The following UTRN variants were observed in gnomAD, a reference collection of about 807,000 sequenced individuals.
UTRN encodes dystrophin-related protein 1.
UTRN carries 283 observed loss-of-function variants against 463.9 expected under a neutral mutation model. That is an observed-to-expected ratio of 0.61 (90% CI 0.55 to 0.67). The LOEUF is 0.67. UTRN is among the 30% of genes least tolerant of loss of function. The probability of loss-of-function intolerance (pLI) is 0.00; values close to 1 mark genes in which losing one functional copy is unlikely to be tolerated. For missense variants in UTRN, 3,922 were observed against 4,084.3 expected, an observed-to-expected ratio of 0.96 and a Z score of 1.08; for synonymous variants, 1,442 against 1,431.5, an observed-to-expected ratio of 1.01 and a Z score of -0.17.
At chr6:144,828,243 G>T (rs1477540076) in intron 68 of UTRN, among the ~76,000 whole-genome samples, 1 of 152,164 alleles carries the variant, frequency 6.6e-6, no homozygotes, top group Non-Finnish European at 1.5e-5. Context: ...ATTTCTAGGG[G>T]AAAGTCTTGG....
chr6:144,353,164 G>C (rs1009283259), intron 2 of UTRN, among the ~76,000 whole-genome samples: 2 of 152,032 alleles, frequency 1.3e-5, no homozygotes, highest in Non-Finnish European at 2.9e-5. Flanking sequence ...GCCCAGGCTG[G>C]AGTGCAGTGG....
chr6:144,814,061 A>G (rs115003631), intron 65 of UTRN, among the ~76,000 whole-genome samples: 1,612 of 152,312 alleles, frequency 0.011, 25 homozygotes, highest in East Asian at 0.057. Flanking sequence ...GAAGTCTCAA[A>G]CTCAAGTACT....
chr6:144,707,330 AT>A (rs1204871932), intron 53 of UTRN, among the ~76,000 whole-genome samples: 4 of 152,146 alleles, frequency 2.6e-5, no homozygotes, highest in African/African-American at 9.7e-5. Flanking sequence ...AAAAAACCTA[AT>A]GGGTAACAAT....
chr6:144,586,300 C>T (rs1016843034), intron 51 of UTRN, among the ~76,000 whole-genome samples: 2 of 151,908 alleles, frequency 1.3e-5, no homozygotes, highest in African/African-American at 4.8e-5. Context: ...GTATTTTTTG[C>T]CTTTAAAAAT....
At chr6:144,577,027 T>G in intron 50 of UTRN, 72 bp from the exon 51 acceptor site, 1 of 1,472,180 alleles carries the variant, frequency 6.8e-7, no homozygotes, top group Non-Finnish European at 9.2e-7. Context: ...GTTTTTTATT[T>G]AGGGGATGCG....
At chr6:144,320,464 G>A (rs907037187) in intron 2 of UTRN, among the ~76,000 whole-genome samples, 1 of 152,098 alleles carries the variant, frequency 6.6e-6, no homozygotes, top group African/African-American at 2.4e-5. Context: ...TCTGGCCACT[G>A]GAATTTTGCC....
At chr6:144,819,744 G>A (rs1470782041) in intron 65 of UTRN, among the ~76,000 whole-genome samples, 2 of 152,128 alleles carry the variant, frequency 1.3e-5, no homozygotes, top group Non-Finnish European at 2.9e-5. Context: ...TGAGTCCTGG[G>A]CATGCATGTT....
intron 2 of UTRN, among the ~76,000 whole-genome samples, chr6:144,365,129 C>T (rs566025957): frequency 6.6e-6 from 1 of 152,180 alleles, no homozygotes; most frequent in African/African-American, 2.4e-5. Context: ...CATTGCGTAG[C>T]TCTTGATTTT....
At position 144,516,853 on chromosome 6, in the gene UTRN, G is replaced by A; in HGVS notation, c.5446G>A (p.Gly1816Arg). 1 of 1,515,338 alleles carries A rather than the reference G, an allele frequency of 6.6e-7. No individual in the cohort carries two copies. Among genetic ancestry groups the A allele is most frequent in the Non-Finnish European group, 8.8e-7 (1 of 1,134,740 alleles). 93.9% of individuals were successfully genotyped at this position (1,515,338 alleles called of 1,614,324 possible). A position where few individuals can be genotyped will look rare whatever the true frequency, so the allele number is the denominator to read the frequency against. ...SAQIEEVLQR[G>R]EEMLHQPMED... is the part of the protein sequence containing the mutation. ...CCAGATTGAGGAAGTTCTACAAAGA[G>A]GAGAAGAAATGTTACATCAACCTAT... Residue 1816 changes from glycine (G) to arginine (R), a missense_variant, in exon 39 of 75, where the codon GGA (glycine) becomes AGA (arginine). Physicochemically the swap from Gly to Arg is moderately radical, Grantham distance 125 (BLOSUM62 -2). Coordinates refer to ENST00000367545, the MANE Select transcript of UTRN (RefSeq NM_007124.3).
chr6:144,494,342 A>T (rs1793373978), intron 33 of UTRN, among the ~76,000 whole-genome samples: 1 of 151,710 alleles, frequency 6.6e-6, no homozygotes, highest in African/African-American at 2.4e-5. Flanking sequence ...CTCTTAAGGC[A>T]GCGCATCTGG....
At chr6:144,734,021 G>T (rs1789075230) in intron 54 of UTRN, among the ~76,000 whole-genome samples, 1 of 152,044 alleles carries the variant, frequency 6.6e-6, no homozygotes, top group African/African-American at 2.4e-5. Flanking sequence ...TAAATAAGAG[G>T]TATAAAGAAA....
At chr6:144,540,816 A>G (rs1797918213) in intron 45 of UTRN, among the ~76,000 whole-genome samples, 1 of 152,218 alleles carries the variant, frequency 6.6e-6, no homozygotes, top group African/African-American at 2.4e-5. Flanking sequence ...ATACGTATCT[A>G]CTGGATGGAT....
chr6:144,715,414 G>A (rs1562806668), intron 53 of UTRN, among the ~76,000 whole-genome samples: 1 of 152,222 alleles, frequency 6.6e-6, no homozygotes, highest in Non-Finnish European at 1.5e-5. Flanking sequence ...AAACTCTGTA[G>A]GGGCTTCCTA....
chr6:144,447,256 AAAG>A lies in UTRN; in HGVS notation c.1661_1663del (p.Lys554_Val555delinsIle), dbSNP rs1787787313. The A allele has an allele frequency of 6.2e-7, 1 of 1,614,060 alleles. No homozygotes were observed. The highest frequency in any genetic ancestry group is 1.3e-5 in the African/African-American group (1 of 75,066). ...AACCGAAAAAGAAGAGGCTTTAAATAAAGTCCAGACAAGCAACTTCAAAGACCA... is the reference window on the plus strand; with the variant it reads ...AACCGAAAAAGAAGAGGCTTTAAATATCCAGACAAGCAACTTCAAAGACCA... On this transcript the variant is annotated inframe_deletion, in exon 15 of 75. Transcript: ENST00000367545.
chr6:144,691,235 G>T (rs1262206936), intron 52 of UTRN, among the ~76,000 whole-genome samples: 2 of 152,096 alleles, frequency 1.3e-5, no homozygotes, highest in African/African-American at 2.4e-5. Context: ...TCATGCCTCA[G>T]CCTCCCATGT....
At chr6:144,773,157 AT>A (rs1794272121) in intron 59 of UTRN, among the ~76,000 whole-genome samples, 1 of 152,164 alleles carries the variant, frequency 6.6e-6, no homozygotes, top group Admixed American at 6.5e-5. Context: ...TACAATATCT[AT>A]TGTTTCCAAA....
intron 65 of UTRN, 61 bp from the exon 66 acceptor site, chr6:144,820,821 T>G: frequency 6.4e-7 from 1 of 1,556,560 alleles, no homozygotes; most frequent in Admixed American, 1.9e-5. Context: ...TCTGATTTTG[T>G]TATAGATAGT....
At chr6:144,684,015 T>G (rs900976361) in intron 52 of UTRN, among the ~76,000 whole-genome samples, 1 of 152,154 alleles carries the variant, frequency 6.6e-6, no homozygotes, top group African/African-American at 2.4e-5. Context: ...TAGGACATGC[T>G]TCTACATTCC....
intron 48 of UTRN, 64 bp from the exon 49 acceptor site, chr6:144,554,624 A>G: frequency 6.5e-7 from 1 of 1,547,058 alleles, no homozygotes; most frequent in South Asian, 1.2e-5. Flanking sequence ...GATATATGAT[A>G]TTTTTTCTTT....
Sources: allele counts gnomAD v4.1 joint callset (sites outside exome capture counted in the v4.1 genomes callset), GRCh38; gene constraint gnomAD v4.1.1; transcripts MANE v1.5; gene names NCBI Gene and HGNC (gene_info 2026-07-23, HGNC 2026-07-21).